Variants in DSCAML1 observed in about 807,000 individuals in gnomAD.
The protein encoded by DSCAML1 is DS cell adhesion molecule like 1.
In DSCAML1, 38 loss-of-function variants were observed where a neutral mutation model predicts 200.5. The observed-to-expected ratio is 0.19, with a 90% CI of 0.15 to 0.25. The LOEUF (loss-of-function observed/expected upper bound fraction) is 0.25. Ranked by LOEUF, DSCAML1 falls within the 10% of genes least tolerant of loss-of-function variation. The probability of loss-of-function intolerance (pLI) is 1.00; values close to 1 mark genes in which losing one functional copy is unlikely to be tolerated. For synonymous variants in DSCAML1, 1,215 were observed against 1,165.0 expected (o/e 1.04, Z -0.87); for missense variants, 2,223 against 2,858.8 (o/e 0.78, Z 5.07).
intron 30 of DSCAML1, among the ~76,000 whole-genome samples, 157 bp from the exon 31 acceptor site, chr11:117,431,885 G>A (rs765148364): frequency 6.6e-6 from 1 of 152,120 alleles, no homozygotes; most frequent in Non-Finnish European, 1.5e-5. Flanking sequence ...CCACATCGCT[G>A]TCCCCAGAGG....
At chr11:117,487,564 G>A (rs567176234) in intron 11 of DSCAML1, among the ~76,000 whole-genome samples, 5 of 152,304 alleles carry the variant, frequency 3.3e-5, no homozygotes, top group African/African-American at 9.6e-5. Context: ...AAGGGTGGGC[G>A]GCCCGGTATC....
rs7109567 is a variant in DSCAML1, at chr11:117,532,302, G to T, written c.658+74C>A. 9 of 1,501,384 alleles carry T rather than the reference G, an allele frequency of 6.0e-6. No homozygotes were observed. The Admixed American group carries it at 1.8e-4, about 30-fold the overall frequency. 93.0% of individuals were successfully genotyped at this position (1,501,384 alleles called of 1,614,324 possible). A position where few individuals can be genotyped will look rare whatever the true frequency, so the allele number is the denominator to read the frequency against. ...GGGGCTCCTCCATCTGCGGTGGGGCGTGCCAAGTTCCAGGGATGGCCTGGT... is the reference window on the plus strand; with the variant it reads ...GGGGCTCCTCCATCTGCGGTGGGGCTTGCCAAGTTCCAGGGATGGCCTGGT... On this transcript the variant is annotated intron_variant, in intron 4 of 32. Transcript: ENST00000651296.
chr11:117,692,319 C>A (rs1402475128), intron 3 of DSCAML1, among the ~76,000 whole-genome samples: 1 of 152,056 alleles, frequency 6.6e-6, no homozygotes, highest in Non-Finnish European at 1.5e-5. Context: ...CCACCTTTTG[C>A]CTGTCACTTT....
At chr11:117,633,877 G>A (rs2052224609) in intron 3 of DSCAML1, among the ~76,000 whole-genome samples, 1 of 152,102 alleles carries the variant, frequency 6.6e-6, no homozygotes, top group Admixed American at 6.5e-5. Flanking sequence ...GCGAGGGGAG[G>A]GCAGGGCAGG....
chr11:117,435,922 T>TG, intron 26 of DSCAML1, 123 bp from the exon 27 acceptor site: 1 of 1,100,826 alleles, frequency 9.1e-7, no homozygotes, highest in Non-Finnish European at 1.3e-6. Context: ...CTCCACCTCC[T>TG]GGCACAGAAC....
chr11:117,784,063 G>A (rs1332334327), intron 1 of DSCAML1, among the ~76,000 whole-genome samples: 1 of 152,186 alleles, frequency 6.6e-6, no homozygotes, highest in African/African-American at 2.4e-5. Flanking sequence ...TGAATTGACT[G>A]GGATTGTCCA....
intron 3 of DSCAML1, among the ~76,000 whole-genome samples, chr11:117,663,483 G>C (rs2052906485): frequency 6.6e-6 from 1 of 152,028 alleles, no homozygotes; most frequent in African/African-American, 2.4e-5. Flanking sequence ...GGAAGGGCTA[G>C]AATCCATGGC....
intron 3 of DSCAML1, among the ~76,000 whole-genome samples, chr11:117,556,475 A>G (rs940199895): frequency 6.9e-6 from 1 of 144,386 alleles, no homozygotes; most frequent in Non-Finnish European, 1.5e-5. Context: ...TTCTCGACTC[A>G]CAGGTGTCAA....
At chr11:117,791,688 G>A (rs747705860) in intron 1 of DSCAML1, among the ~76,000 whole-genome samples, 1 of 152,222 alleles carries the variant, frequency 6.6e-6, no homozygotes, top group East Asian at 1.9e-4. Context: ...AGGAGTTGAC[G>A]TCCCCTGTCC....
intron 3 of DSCAML1, among the ~76,000 whole-genome samples, chr11:117,761,843 C>T (rs910049568): frequency 6.6e-6 from 1 of 152,216 alleles, no homozygotes; most frequent in African/African-American, 2.4e-5. Context: ...TGCACTTCAG[C>T]CTGGGTGCTG....
chr11:117,558,531 T>C, intron 3 of DSCAML1, among the ~76,000 whole-genome samples: 1 of 152,142 alleles, frequency 6.6e-6, no homozygotes, highest in Non-Finnish European at 1.5e-5. Context: ...TTTGGGAAGC[T>C]GAGGAGGGTG....
chr11:117,504,986 C>A lies in DSCAML1; in HGVS notation c.2120G>T (p.Gly707Val). 1 of 1,612,856 alleles carries A rather than the reference C, an allele frequency of 6.2e-7. No individual in the cohort carries two copies. The highest frequency in any genetic ancestry group is 8.5e-7 in the Non-Finnish European group (1 of 1,179,338). Residue 707 changes from glycine (G) to valine (V), a missense_variant, in exon 10 of 33, where the codon GGT becomes GTT. Coordinates refer to ENST00000651296, the MANE Select transcript of DSCAML1 (RefSeq NM_020693.4). The surrounding 1 kb of genome is among the most constrained non-coding windows in gnomAD (Gnocchi z 5.0). ...NNQDGIYGKA[G>V]VLNCSVDGYP... ...GCCGTCCACCGAGCAGTTGAGCACA[C>A]CAGCTTTGCCGTAGATGCCATCCTG... is the stretch of plus-strand genomic sequence containing the variant.
At chr11:117,629,092 G>A (rs1196763286) in intron 3 of DSCAML1, among the ~76,000 whole-genome samples, 2 of 152,066 alleles carry the variant, frequency 1.3e-5, no homozygotes, top group Admixed American at 6.5e-5. Context: ...TCCTAAACTC[G>A]GGTGGAAGTT....
intron 3 of DSCAML1, among the ~76,000 whole-genome samples, chr11:117,612,607 C>G: frequency 6.6e-6 from 1 of 152,228 alleles, no homozygotes; most frequent in African/African-American, 2.4e-5. Context: ...ATGGTGATAT[C>G]CCTGAATCCC....
intron 3 of DSCAML1, among the ~76,000 whole-genome samples, chr11:117,673,336 A>G (rs34478669): frequency 0.055 from 8,416 of 152,266 alleles, 271 homozygotes; most frequent in Middle Eastern, 0.1. Flanking sequence ...TACGTTAAGC[A>G]TCTTCCTGAG....
intron 3 of DSCAML1, among the ~76,000 whole-genome samples, chr11:117,684,435 T>TAAAAAAAAAAAAAAAA (rs149958154): frequency 2.7e-5 from 2 of 74,610 alleles, no homozygotes; most frequent in Non-Finnish European, 5.6e-5. Context: ...TTTCATTAAC[T>TAAAAAAAAAAAAAAAA]AAAAAAAAAA....
At chr11:117,431,399 C>T (rs1396163644) in intron 31 of DSCAML1, 135 bp downstream of exon 31, 32 of 803,488 alleles carry the variant, frequency 4.0e-5, no homozygotes, top group Non-Finnish European at 5.6e-5. Context: ...GGTCAGTGAC[C>T]AGCTAGACAT....
intron 3 of DSCAML1, among the ~76,000 whole-genome samples, chr11:117,591,849 G>A (rs2051265324): frequency 6.6e-6 from 1 of 152,182 alleles, no homozygotes; most frequent in African/African-American, 2.4e-5. Context: ...GTCCCCAGGT[G>A]CATCCCGGCC....
At chr11:117,459,807 C>T (rs188332063) in intron 18 of DSCAML1, among the ~76,000 whole-genome samples, 1 of 152,224 alleles carries the variant, frequency 6.6e-6, no homozygotes, top group Admixed American at 6.5e-5. Flanking sequence ...TGGAGACCCC[C>T]CTCCCAGCAC....
Sources: allele counts gnomAD v4.1 joint callset (sites outside exome capture counted in the v4.1 genomes callset), GRCh38; gene constraint gnomAD v4.1.1; non-coding constraint Gnocchi (gnomAD v3.1); transcripts MANE v1.5; gene names NCBI Gene and HGNC (gene_info 2026-07-23, HGNC 2026-07-21).